The following CROCC2 variants were observed in gnomAD, a reference collection of about 807,000 sequenced individuals.
CROCC2 encodes ciliary rootlet coiled-coil protein 2.
CROCC2 carries 163 observed loss-of-function variants against 177.6 expected under a neutral mutation model. The observed-to-expected ratio is 0.92, with a 90% CI of 0.81 to 1.05. The LOEUF is 1.05. Ranked by LOEUF, CROCC2 falls within the 50% of genes least tolerant of loss-of-function variation. The pLI, the probability that CROCC2 is intolerant of heterozygous loss-of-function variation, is 0.00. For missense variants in CROCC2, 1,929 were observed against 1,797.8 expected (o/e 1.07, Z -1.32); for synonymous variants, 904 against 787.3 (o/e 1.15, Z -2.48).
intron 28 of CROCC2, chr2:240,983,733 G>A: frequency 2.6e-6 from 2 of 776,556 alleles, no homozygotes; most frequent in Non-Finnish European, 3.7e-6. Flanking sequence ...CCCGCAGGTG[G>A]CCACAGCCCT....
chr2:240,990,376 T>C (rs940209711), intron 30 of CROCC2, among the ~76,000 whole-genome samples: 3 of 152,198 alleles, frequency 2.0e-5, no homozygotes, highest in African/African-American at 7.2e-5. Context: ...CCTGCTGGGC[T>C]GAACCACTGA....
rs190141847 is a variant in CROCC2 at position 240,968,227 on chromosome 2, G to A, written c.4366G>A (p.Val1456Met). Residue 1456 changes from valine (V) to methionine (M), a missense_variant, in exon 27 of 32, where the codon GTG becomes ATG. This residue lies in a region of CROCC2 where 388 missense variants were observed against 352.7 expected (regional missense o/e 1.10). Transcript: ENST00000690015. ...RRLELEHLAS[V>M]RAAGQEKRRL... The stretch of plus-strand genomic sequence containing the variant: ...GCTGGAGTTGGAGCACCTGGCGAGC[G>A]TGCGTGCGGCAGGCCAGGAGAAGCG... 7.4e-5 allele frequency: 113 copies of A among 1,532,936 alleles called. No individual in the cohort carries two copies. Among genetic ancestry groups the A allele is most frequent in the East Asian group, 3.9e-4 (16 of 40,866 alleles). The allele number at this position is 1,532,936 out of a possible 1,614,324, so 95.0% of individuals were successfully genotyped here. A position where few individuals can be genotyped will look rare whatever the true frequency, so the allele number is the denominator to read the frequency against.
rs534296279 is a variant in CROCC2, at chr2:240,935,458, C to T, written c.2039C>T (p.Ala680Val). The change falls in exon 14 of 32, where the codon GCG becomes GTG. Residue 680 changes from alanine to valine, a missense_variant. Coordinates refer to ENST00000690015, the MANE Select transcript of CROCC2 (RefSeq NM_001351305.2). ...EQLAQAEQQLALERAERRGLQ... is the reference protein window; with the variant it reads ...EQLAQAEQQLVLERAERRGLQ... ...CTGGCACAGGCGGAGCAGCAGCTGG[C>T]GCTGGAGCGGGCAGAGCGCAGGGGC... 181 of 1,367,652 alleles carry T rather than the reference C, an allele frequency of 1.3e-4. No individual in the cohort carries two copies. Among genetic ancestry groups the T allele is most frequent in the Non-Finnish European group, 1.6e-4 (174 of 1,055,704 alleles). The allele number at this position is 1,367,652 out of a possible 1,614,324, so 84.7% of individuals were successfully genotyped here. A position where few individuals can be genotyped will look rare whatever the true frequency, so the allele number is the denominator to read the frequency against.
intron 14 of CROCC2, among the ~76,000 whole-genome samples, chr2:240,941,504 A>G (rs1426176406): frequency 6.6e-6 from 1 of 152,250 alleles, no homozygotes; most frequent in Non-Finnish European, 1.5e-5. Flanking sequence ...GAAACAGAAT[A>G]GAGAACCCAG....
intron 14 of CROCC2, 66 bp downstream of exon 14, chr2:240,935,654 G>C (rs538112111): frequency 8.2e-7 from 1 of 1,219,528 alleles, no homozygotes; most frequent in East Asian, 3.0e-5. Flanking sequence ...TCTTGCCTAA[G>C]GTACTTCTGG....
At chr2:240,983,426 G>A (rs1242824705) in intron 28 of CROCC2, 3 of 1,278,428 alleles carry the variant, frequency 2.3e-6, no homozygotes, top group East Asian at 1.2e-4. Context: ...TTCGGCCCAG[G>A]TGCTCTGCAG....
At position 240,925,800 on chromosome 2, in the gene CROCC2, G is replaced by C. The variant is rs1280666077; in HGVS notation, c.565G>C (p.Gly189Arg). 1.4e-6 allele frequency: 1 copy of C among 716,966 alleles called. No individual in the cohort carries two copies. The highest frequency in any genetic ancestry group is 2.6e-6 in the Non-Finnish European group (1 of 384,930). 44.4% of individuals were successfully genotyped at this position (716,966 alleles called of 1,614,324 possible). ...TATGAAGAAGGCCAATGACGCGCTG[G>C]GCCGGGAGCTGGCCGGGATGACGGG... ...EHMKKANDAL[G>R]RELAGMTGSV... The change falls in exon 5 of 32, where the codon GGC becomes CGC. Residue 189 changes from glycine to arginine, a missense_variant. Gly to Arg is a moderately radical substitution (Grantham distance 125). Transcript: ENST00000690015.
At chr2:240,912,553 G>A (rs758240567) in intron 1 of CROCC2, among the ~76,000 whole-genome samples, 78 of 152,224 alleles carry the variant, frequency 5.1e-4, no homozygotes, top group Middle Eastern at 3.2e-3. Context: ...ACAGGGGGCA[G>A]GTACGGAGCC....
At chr2:240,929,203 A>G (rs932318256) in intron 5 of CROCC2, among the ~76,000 whole-genome samples, 1 of 152,120 alleles carries the variant, frequency 6.6e-6, no homozygotes. Flanking sequence ...TAATACCTGA[A>G]GTTCTTCAAG....
chr2:240,952,246 C>T (rs1420943578), intron 18 of CROCC2, among the ~76,000 whole-genome samples: 1 of 145,206 alleles, frequency 6.9e-6, no homozygotes, highest in Non-Finnish European at 1.5e-5. Flanking sequence ...ACTCGGGAGG[C>T]TGAGGCAAGA....
At position 240,967,408 on chromosome 2, in the gene CROCC2, G is replaced by C. The variant is rs914800195; in HGVS notation, c.4210G>C (p.Ala1404Pro). ...SRLSEAECRCARAQSRVGQLQ... is the reference protein window; with the variant it reads ...SRLSEAECRCPRAQSRVGQLQ... ...GCTGAGCGAGGCAGAGTGCAGGTGT[G>C]CCCGGGCCCAGAGCCGCGTGGGGCA... The change falls in exon 26 of 32, where the codon GCC (alanine) becomes CCC (proline). Residue 1404 changes from alanine to proline, a missense_variant. This residue lies in a region of CROCC2 where 388 missense variants were observed against 352.7 expected (regional missense o/e 1.10). Coordinates refer to ENST00000690015, the MANE Select transcript of CROCC2 (RefSeq NM_001351305.2). The C allele has an allele frequency of 9.9e-7, 1 of 1,008,580 alleles. No individual in the cohort carries two copies. The highest frequency in any genetic ancestry group is 1.6e-5 in the African/African-American group (1 of 62,662). 62.5% of individuals were successfully genotyped at this position (1,008,580 alleles called of 1,614,324 possible).
chr2:240,946,905 G>A (rs898226671), intron 15 of CROCC2, among the ~76,000 whole-genome samples: 2 of 152,272 alleles, frequency 1.3e-5, no homozygotes, highest in African/African-American at 2.4e-5. Context: ...GGACACATGA[G>A]GTGGAGAGTG....
At chr2:240,990,764 A>G (rs929759470) in intron 30 of CROCC2, among the ~76,000 whole-genome samples, 1 of 152,066 alleles carries the variant, frequency 6.6e-6, no homozygotes, top group Non-Finnish European at 1.5e-5. Context: ...TTGTATTGTT[A>G]GTAGAGACGG....
chr2:240,952,648 T>A (rs986018836), intron 18 of CROCC2, among the ~76,000 whole-genome samples: 1 of 152,198 alleles, frequency 6.6e-6, no homozygotes. Context: ...TGTCTGGGCA[T>A]GGCATGAAGT....
At chr2:240,966,909 G>T (rs1294927797) in intron 25 of CROCC2, among the ~76,000 whole-genome samples, 1 of 151,804 alleles carries the variant, frequency 6.6e-6, no homozygotes, top group Non-Finnish European at 1.5e-5. Flanking sequence ...CTGAGCCCTG[G>T]CCAGGGTCCT....
chr2:240,985,596 CA>C, intron 28 of CROCC2, among the ~76,000 whole-genome samples: 1 of 137,938 alleles, frequency 7.2e-6, no homozygotes, highest in East Asian at 2.5e-4. Context: ...CCCAGGCACT[CA>C]CTCCACACAC....
intron 15 of CROCC2, among the ~76,000 whole-genome samples, chr2:240,947,835 C>A (rs2059532565): frequency 6.6e-6 from 1 of 152,062 alleles, no homozygotes; most frequent in South Asian, 2.1e-4. Context: ...CAGCCCACAC[C>A]CCAAGCAGCC....
intron 20 of CROCC2, among the ~76,000 whole-genome samples, chr2:240,962,305 C>T (rs1443972251): frequency 5.5e-5 from 7 of 127,068 alleles, no homozygotes; most frequent in African/African-American, 8.6e-5. Context: ...GGGGTGGGGG[C>T]GGGAGTGGGG....
chr2:240,919,104 G>A (rs13034844), intron 2 of CROCC2, among the ~76,000 whole-genome samples: 270 of 81,668 alleles, frequency 3.3e-3, no homozygotes, highest in African/African-American at 0.012. Flanking sequence ...CGTGGGGGAC[G>A]GTCCTGGGCC....
Sources: gnomAD v4.1 joint callset for allele counts (sites outside exome capture counted in the v4.1 genomes callset) on GRCh38, gnomAD v4.1.1 for gene constraint, gnomAD v4.1.1 regional missense constraint, MANE v1.5 for transcripts, NCBI Gene and HGNC (gene_info 2026-07-23, HGNC 2026-07-21) for gene names.